Variants in PBX3 observed in about 807,000 individuals in gnomAD.
PBX3 encodes pre-B-cell leukemia transcription factor 3.
PBX3 carries 14 observed loss-of-function variants against 48.5 expected under a neutral mutation model. The observed-to-expected ratio is 0.29, with a 90% CI of 0.19 to 0.45. The LOEUF (loss-of-function observed/expected upper bound fraction) is 0.45, where lower values mean the gene tolerates loss of function less well. Ranked by LOEUF, PBX3 falls within the 20% of genes least tolerant of loss-of-function variation. The pLI, the probability that PBX3 is intolerant of heterozygous loss-of-function variation, is 1.00. For synonymous variants in PBX3, 210 were observed against 200.3 expected (o/e 1.05, Z -0.41); for missense variants, 386 against 546.7 (o/e 0.71, Z 2.93).
At chr9:125,756,529 AGAG>A (rs1460058132) in intron 2 of PBX3, among the ~76,000 whole-genome samples, 1 of 152,176 alleles carries the variant, frequency 6.6e-6, no homozygotes, top group Non-Finnish European at 1.5e-5. Flanking sequence ...GTTAGAAGGA[AGAG>A]GGTTTGGGTA....
At chr9:125,784,928 C>G (rs953066742) in intron 2 of PBX3, among the ~76,000 whole-genome samples, 3 of 152,174 alleles carry the variant, frequency 2.0e-5, no homozygotes, top group Non-Finnish European at 4.4e-5. Flanking sequence ...CCATGACTTT[C>G]TGAATTTCAT....
intron 2 of PBX3, among the ~76,000 whole-genome samples, chr9:125,888,385 C>T (rs761233699): frequency 1.3e-5 from 2 of 152,050 alleles, no homozygotes; most frequent in African/African-American, 4.8e-5. Flanking sequence ...TAGACAAATA[C>T]GTGTAAGGTT....
chr9:125,781,786 G>A (rs1285828847), intron 2 of PBX3, among the ~76,000 whole-genome samples: 1 of 151,852 alleles, frequency 6.6e-6, no homozygotes, highest in Non-Finnish European at 1.5e-5. Context: ...TATAAAGTTA[G>A]GTTATTGATT....
intron 2 of PBX3, among the ~76,000 whole-genome samples, chr9:125,841,491 A>T (rs1839289095): frequency 6.6e-6 from 1 of 152,130 alleles, no homozygotes; most frequent in Non-Finnish European, 1.5e-5. Flanking sequence ...ATTTTTATGT[A>T]CGTAACTGTT....
chr9:125,756,039 A>G (rs138242218), intron 2 of PBX3, among the ~76,000 whole-genome samples: 18 of 152,226 alleles, frequency 1.2e-4, no homozygotes, highest in Admixed American at 2.0e-4. Flanking sequence ...GAACTTCACA[A>G]GGATATTTTC....
intron 2 of PBX3, among the ~76,000 whole-genome samples, chr9:125,832,766 A>G (rs577223067): frequency 1.2e-4 from 18 of 152,194 alleles, no homozygotes; most frequent in Non-Finnish European, 1.5e-5. Flanking sequence ...TCTGGGTTTC[A>G]TGGCTTTTAG....
chr9:125,849,056 G>C (rs1839507082), intron 2 of PBX3, among the ~76,000 whole-genome samples: 1 of 151,856 alleles, frequency 6.6e-6, no homozygotes, highest in Admixed American at 6.6e-5. Context: ...TAGAATTTCT[G>C]TTTTCTTTAG....
chr9:125,765,297 C>T (rs1024989979), intron 2 of PBX3, among the ~76,000 whole-genome samples: 6 of 151,822 alleles, frequency 4.0e-5, no homozygotes, highest in East Asian at 3.9e-4. Context: ...TACAGGCGCG[C>T]GCCACTGTGC....
chr9:125,815,472 A>T (rs1469290271), intron 2 of PBX3, among the ~76,000 whole-genome samples: 2 of 151,998 alleles, frequency 1.3e-5, no homozygotes, highest in Non-Finnish European at 2.9e-5. Flanking sequence ...TTGTTGTTGT[A>T]TTATTTTTTG....
chr9:125,949,342 A>G, intron 5 of PBX3: 1 of 1,550,288 alleles, frequency 6.5e-7, no homozygotes. Context: ...GCCAGTTGTC[A>G]TCCATTCAAC....
chr9:125,803,914 G>A (rs1479356110), intron 2 of PBX3, among the ~76,000 whole-genome samples: 1 of 152,180 alleles, frequency 6.6e-6, no homozygotes, highest in Non-Finnish European at 1.5e-5. Flanking sequence ...TGCTAGCCTG[G>A]TTTGCTAGCA....
intron 2 of PBX3, among the ~76,000 whole-genome samples, chr9:125,833,452 G>A (rs1014922531): frequency 9.9e-5 from 15 of 151,768 alleles, no homozygotes; most frequent in Non-Finnish European, 1.9e-4. Context: ...CCATGCCACT[G>A]CACTCCAGCC....
chr9:125,826,139 C>T (rs1353586098), intron 2 of PBX3, among the ~76,000 whole-genome samples: 4 of 152,134 alleles, frequency 2.6e-5, no homozygotes, highest in African/African-American at 4.8e-5. Context: ...TAGAGATTCT[C>T]GCCTAGTAAA....
At position 125,759,324 on chromosome 9, in the gene PBX3, C is replaced by T. The variant is rs574108304; in HGVS notation, c.274+10701C>T. Among the ~76,000 whole-genome samples the T allele has an allele frequency of 6.6e-6, 1 of 152,242 alleles. No homozygotes were observed. The highest frequency in any genetic ancestry group is 2.4e-5 in the African/African-American group (1 of 41,544). ...TTTAGCTTTTCTGTTGTTAAAGTGG[C>T]CCCTAGTGATAGTGCTGCAGTGACT... On this transcript the variant is annotated intron_variant, in intron 2 of 8. Coordinates refer to ENST00000373489, the MANE Select transcript of PBX3 (RefSeq NM_006195.6). This position sits in a 1 kb window ranked among gnomAD's most constrained non-coding sequence, Gnocchi z 4.2.
At chr9:125,816,073 T>C (rs1284461346) in intron 2 of PBX3, among the ~76,000 whole-genome samples, 2 of 152,190 alleles carry the variant, frequency 1.3e-5, no homozygotes, top group Non-Finnish European at 2.9e-5. Context: ...GGTGCGATCA[T>C]GGCTCACTGC....
chr9:125,899,659 C>T (rs1235466192), intron 2 of PBX3, among the ~76,000 whole-genome samples: 1 of 151,374 alleles, frequency 6.6e-6, no homozygotes, highest in Non-Finnish European at 1.5e-5. Context: ...CTCTCCTTCA[C>T]TCTGCGGTTT....
chr9:125,893,593 ATTGT>A (rs59634646), intron 2 of PBX3, among the ~76,000 whole-genome samples: 80,976 of 151,670 alleles, frequency 0.53, 23,754 homozygotes, highest in South Asian at 0.65. Flanking sequence ...GCCCCATGTG[ATTGT>A]TTGAAAGAAT....
At chr9:125,785,528 C>T (rs1837435434) in intron 2 of PBX3, among the ~76,000 whole-genome samples, 1 of 152,162 alleles carries the variant, frequency 6.6e-6, no homozygotes. Flanking sequence ...GGCCTTTGGT[C>T]ACAGACTGAA....
At chr9:125,952,040 G>A (rs1364913887) in intron 5 of PBX3, among the ~76,000 whole-genome samples, 2 of 152,182 alleles carry the variant, frequency 1.3e-5, no homozygotes, top group African/African-American at 2.4e-5. Flanking sequence ...ACATTGATTA[G>A]GGAGAAACTG....
Sources: gnomAD v4.1 joint callset for allele counts (sites outside exome capture counted in the v4.1 genomes callset) on GRCh38, gnomAD v4.1.1 for gene constraint, Gnocchi (gnomAD v3.1) non-coding constraint, MANE v1.5 for transcripts, NCBI Gene and HGNC (gene_info 2026-07-23, HGNC 2026-07-21) for gene names.